Variants in SUCO observed in about 807,000 individuals in gnomAD.
SUCO encodes the protein SUN domain-containing ossification factor.
A neutral mutation model predicts 148.1 loss-of-function variants in SUCO; 57 were observed. The observed-to-expected ratio is 0.38, with a 90% CI of 0.31 to 0.48. The LOEUF is 0.48. Among genes scored for constraint, SUCO ranks in the 20% least tolerant of loss-of-function variants. SUCO has a pLI of 0.96. For synonymous variants in SUCO, 470 were observed against 502.7 expected (o/e 0.93, Z 0.87); for missense variants, 1,331 against 1,468.2 (o/e 0.91, Z 1.53).
Position 172,609,871 on chromosome 1 carries a change from C to T in SUCO, c.3377C>T (p.Pro1126Leu), listed in dbSNP as rs767920654. 1 of 1,613,272 alleles carries T rather than the reference C, an allele frequency of 6.2e-7. No individual in the cohort carries two copies. The highest frequency in any genetic ancestry group is 8.5e-7 in the Non-Finnish European group (1 of 1,179,684). ...EKIETIKPEEPLHPIANGDIK... is the reference protein window; with the variant it reads ...EKIETIKPEELLHPIANGDIK... Reference sequence around the variant, plus strand: ...ATTGAGACCATAAAGCCTGAAGAACCATTGCACCCCATAGCCAATGGCGAC... The same window carrying T: ...ATTGAGACCATAAAGCCTGAAGAACTATTGCACCCCATAGCCAATGGCGAC... Residue 1126 changes from proline to leucine, a missense_variant, in exon 24 of 24, where the codon CCA becomes CTA. Coordinates refer to ENST00000263688, the MANE Select transcript of SUCO (RefSeq NM_014283.5).
chr1:172,547,681 A>T (rs1026950421), intron 1 of SUCO, among the ~76,000 whole-genome samples: 1 of 152,230 alleles, frequency 6.6e-6, no homozygotes, highest in Admixed American at 6.5e-5. Flanking sequence ...CTGAATAGAC[A>T]TGACAAATGC....
Position 172,610,135 on chromosome 1 carries a change from A to G in SUCO, c.3641A>G (p.Lys1214Arg). 1 of 1,613,774 alleles carries G rather than the reference A, an allele frequency of 6.2e-7. No homozygotes were observed. Among genetic ancestry groups the G allele is most frequent in the Middle Eastern group, 1.6e-4 (1 of 6,062 alleles). ...CGATCTAAAGTCCAAGACCAAGGAA[A>G]ATTGATAAAAACTCTAATACAGACT... ...RRRSKVQDQG[K>R]LIKTLIQTKS... The change falls in exon 24 of 24, where the codon AAA becomes AGA. Residue 1214 changes from lysine to arginine, a missense_variant. Coordinates refer to ENST00000263688, the MANE Select transcript of SUCO (RefSeq NM_014283.5).
intron 6 of SUCO, 70 bp from the exon 7 acceptor site, chr1:172,568,949 T>A (rs1442056501): frequency 2.2e-6 from 3 of 1,337,702 alleles, no homozygotes. Flanking sequence ...GAAACATTTG[T>A]ATTTATTTCT....
chr1:172,573,409 C>T (rs1459044584), intron 9 of SUCO, among the ~76,000 whole-genome samples: 2 of 152,128 alleles, frequency 1.3e-5, no homozygotes, highest in African/African-American at 2.4e-5. Flanking sequence ...ATTTCCCCCC[C>T]TGCCCTTATA....
chr1:172,577,127 G>A (rs924848207), intron 11 of SUCO: 9 of 367,892 alleles, frequency 2.4e-5, no homozygotes, highest in Non-Finnish European at 3.4e-5. Flanking sequence ...ATATGTATAT[G>A]TGCATATATA....
chr1:172,575,320 G>A (rs1571239689), intron 10 of SUCO, among the ~76,000 whole-genome samples, 198 bp from the exon 11 acceptor site: 1 of 151,882 alleles, frequency 6.6e-6, no homozygotes, highest in Non-Finnish European at 1.5e-5. Flanking sequence ...ATTTTTCAAG[G>A]CATTCTTTCC....
intron 19 of SUCO, among the ~76,000 whole-genome samples, chr1:172,597,653 T>G (rs1180638165): frequency 1.3e-5 from 2 of 152,240 alleles, no homozygotes; most frequent in Admixed American, 1.3e-4. Context: ...ACAATAGGAC[T>G]GGTAATTATG....
In SUCO at chr1:172,555,917, A is replaced by G; in HGVS notation, c.337A>G (p.Thr113Ala). 3.1e-6 allele frequency: 5 copies of G among 1,613,058 alleles called. No homozygotes were observed. Among genetic ancestry groups the G allele is most frequent in the Non-Finnish European group, 4.2e-6 (5 of 1,179,218 alleles). Residue 113 changes from threonine (T) to alanine (A), a missense_variant, in exon 4 of 24, where the codon ACA becomes GCA. Thr to Ala is a moderately conservative substitution (Grantham distance 58, BLOSUM62 0). Around this residue, in one of 3 missense-constraint regions of SUCO, gnomAD observed 992 missense variants for 1,093.5 expected, o/e 0.91. Coordinates refer to ENST00000263688, the MANE Select transcript of SUCO (RefSeq NM_014283.5). The stretch of plus-strand genomic sequence containing the variant: ...TCCACCGGTGGTGGAGACACTCCCT[A>G]CAGTTGATTTGCATGAAGAGTCTTC... The part of the protein sequence containing the change: ...LSPPVVETLP[T>A]VDLHEESSNA...
chr1:172,566,502 G>C (rs1317188721), intron 6 of SUCO, among the ~76,000 whole-genome samples: 1 of 151,528 alleles, frequency 6.6e-6, no homozygotes, highest in Non-Finnish European at 1.5e-5. Context: ...CTTCACCTAG[G>C]AAAGAATTCA....
intron 3 of SUCO, 54 bp from the exon 4 acceptor site, chr1:172,555,815 G>C (rs1653702379): frequency 7.1e-7 from 1 of 1,413,976 alleles, no homozygotes; most frequent in Admixed American, 2.1e-5. Flanking sequence ...TTCTGCTAAA[G>C]AGATGTTATA....
chr1:172,589,787 G>C lies in SUCO; in HGVS notation c.2686G>C (p.Asp896His). The C allele has an allele frequency of 6.2e-7, 1 of 1,612,424 alleles. No individual in the cohort carries two copies. The highest frequency in any genetic ancestry group is 8.5e-7 in the Non-Finnish European group (1 of 1,179,390). Residue 896 changes from aspartate (D) to histidine (H), a missense_variant, in exon 18 of 24, where the codon GAT (aspartate) becomes CAT (histidine). Asp to His is a moderately conservative substitution (Grantham distance 81, BLOSUM62 -1). Around this residue, in one of 3 missense-constraint regions of SUCO, gnomAD observed 992 missense variants for 1,093.5 expected, o/e 0.91. Transcript: ENST00000263688. ...DFYAELQNSTDLGYANGNLVH... is the reference protein window; with the variant it reads ...DFYAELQNSTHLGYANGNLVH... ...TTATGCTGAATTGCAAAATTCTACA[G>C]ATCTAGGATATGCTAATGGAAATCT...
intron 13 of SUCO, 71 bp from the exon 14 acceptor site, chr1:172,578,227 A>G (rs1268114208): frequency 8.5e-7 from 1 of 1,171,198 alleles, no homozygotes; most frequent in South Asian, 1.3e-5. Context: ...GATGTTTGTC[A>G]TTTATTGTGA....
intron 17 of SUCO, among the ~76,000 whole-genome samples, chr1:172,586,908 G>C (rs1056393949): frequency 1.3e-5 from 2 of 152,096 alleles, no homozygotes; most frequent in South Asian, 2.1e-4. Context: ...ATGTGTTATT[G>C]ATTCTGAAAA....
Position 172,577,725 on chromosome 1 carries a change from C to G in SUCO, c.1285-39C>G, listed in dbSNP as rs190154744. The stretch of plus-strand genomic sequence containing the variant: ...ATATTGTTAGATAATCTTACATGCT[C>G]TCTGCTGGCTTCCCATTTTATGTGC... On this transcript the variant is annotated intron_variant, in intron 12 of 23. Coordinates refer to ENST00000263688, the MANE Select transcript of SUCO (RefSeq NM_014283.5). 768 of 1,597,770 alleles carry G rather than the reference C, an allele frequency of 4.8e-4. 7 individuals carry two copies. In the African/African-American group the frequency reaches 9.2e-3, roughly 19 times the overall value.
intron 1 of SUCO, among the ~76,000 whole-genome samples, chr1:172,539,440 T>C (rs2149217149): frequency 6.6e-6 from 1 of 152,336 alleles, no homozygotes; most frequent in South Asian, 2.1e-4. Flanking sequence ...CTTTTGAATA[T>C]TTGCAGTATA....
rs149457757 is a variant in SUCO, at chr1:172,546,834, G to A, written c.63-4678G>A. ...TGAGGTGGAAGGATCACTTGAGCCC[G>A]GGAAGGGGGAGGCCGCAGTGAGCTG... is the stretch of plus-strand genomic sequence containing the variant. On this transcript the variant is annotated intron_variant, in intron 1 of 23. Coordinates refer to ENST00000263688, the MANE Select transcript of SUCO (RefSeq NM_014283.5). Among the ~76,000 whole-genome samples the A allele has an allele frequency of 2.6e-3, 399 of 152,292 alleles. 1 individual carries two copies. The highest frequency in any genetic ancestry group is 9.0e-3 in the African/African-American group (374 of 41,564).
intron 9 of SUCO, among the ~76,000 whole-genome samples, chr1:172,571,313 G>A (rs528253834): frequency 0.012 from 1,767 of 152,308 alleles, 37 homozygotes; most frequent in African/African-American, 0.04. Flanking sequence ...CGCCAGCCTC[G>A]GCCTCCCGAG....
chr1:172,591,446 C>T (rs1242029297), intron 19 of SUCO, among the ~76,000 whole-genome samples: 2 of 111,366 alleles, frequency 1.8e-5, no homozygotes, highest in African/African-American at 6.9e-5. Flanking sequence ...CACCCCACAA[C>T]AGGCCCTGGT....
intron 20 of SUCO, among the ~76,000 whole-genome samples, chr1:172,600,758 TTTAG>T (rs1205446574): frequency 1.3e-5 from 2 of 151,722 alleles, no homozygotes; most frequent in African/African-American, 4.8e-5. Flanking sequence ...GGGATGCTGC[TTTAG>T]TTAGAGTGAT....
Sources: allele counts gnomAD v4.1 joint callset (sites outside exome capture counted in the v4.1 genomes callset), GRCh38; gene constraint gnomAD v4.1.1; regional missense constraint gnomAD v4.1.1; transcripts MANE v1.5; gene names NCBI Gene and HGNC (gene_info 2026-07-23, HGNC 2026-07-21).